The following RABGEF1 variants were observed in gnomAD, a reference collection of about 807,000 sequenced individuals.
RABGEF1 encodes the protein rab5 GDP/GTP exchange factor.
A neutral mutation model predicts 57.3 loss-of-function variants in RABGEF1; 26 were observed. The observed-to-expected ratio is 0.45, with a 90% CI of 0.33 to 0.63. The LOEUF (loss-of-function observed/expected upper bound fraction) is 0.63, where lower values mean the gene tolerates loss of function less well. RABGEF1 is among the 20% of genes least tolerant of loss of function. RABGEF1 has a pLI of 0.02. For synonymous variants in RABGEF1, 185 were observed against 210.7 expected, an observed-to-expected ratio of 0.88 and a Z score of 1.06; for missense variants, 464 against 607.6, an observed-to-expected ratio of 0.76 and a Z score of 2.48.
intron 1 of RABGEF1, among the ~76,000 whole-genome samples, chr7:66,708,484 C>T (rs867950836): frequency 1.3e-5 from 2 of 151,910 alleles, no homozygotes; most frequent in African/African-American, 2.4e-5. Context: ...GACGGGGTTT[C>T]ACCATGTTGG....
In RABGEF1 at chr7:66,792,706, A is replaced by T. The variant is rs185088344; in HGVS notation, c.514-2805A>T. ...TTTGCTCACAGATAGGTAGAAAGAG[A>T]TCTATGGAGAATTGTCTTCAGCATC... On this transcript the variant is annotated intron_variant, in intron 4 of 8. Coordinates refer to ENST00000284957, the MANE Select transcript of RABGEF1 (RefSeq NM_014504.3). Among the ~76,000 whole-genome samples the T allele has an allele frequency of 3.7e-4, 57 of 152,288 alleles. 1 individual carries two copies. The highest frequency in any genetic ancestry group is 1.3e-3 in the African/African-American group (56 of 41,564).
intron 1 of RABGEF1, among the ~76,000 whole-genome samples, chr7:66,702,197 C>A (rs1053282191): frequency 6.6e-6 from 1 of 152,162 alleles, no homozygotes; most frequent in Admixed American, 6.5e-5. Context: ...ATAATGTTTT[C>A]AAGGTTCATG....
Position 66,772,491 on chromosome 7 carries a change from G to A in RABGEF1, c.179+413G>A, listed in dbSNP as rs202015022. Reference sequence around the variant, plus strand: ...TATATTTAGCATGGCATCTAGCTCAGTGATAAAACACAGTAGTAGAAATCT... The same window carrying A: ...TATATTTAGCATGGCATCTAGCTCAATGATAAAACACAGTAGTAGAAATCT... On this transcript the variant is annotated intron_variant, in intron 2 of 8. Coordinates refer to ENST00000284957, the MANE Select transcript of RABGEF1 (RefSeq NM_014504.3). Among the ~76,000 whole-genome samples, 5 of 152,176 alleles carry A rather than the reference G, an allele frequency of 3.3e-5. No homozygotes were observed. In the East Asian group the frequency reaches 9.6e-4, roughly 29 times the overall value.
chr7:66,737,349 G>C (rs1052747216), upstream of RABGEF1, among the ~76,000 whole-genome samples: 1 of 151,868 alleles, frequency 6.6e-6, no homozygotes, highest in African/African-American at 2.4e-5. Flanking sequence ...TAATCTCCTG[G>C]CTCAAGTAGT....
At position 66,732,662 on chromosome 7, in the gene RABGEF1, G is replaced by C. The variant is rs147519253; in HGVS notation, c.-814-7334G>C. Among the ~76,000 whole-genome samples the C allele has an allele frequency of 6.6e-4, 101 of 152,076 alleles. 1 individual carries two copies. Among genetic ancestry groups the C allele is most frequent in the African/African-American group, 2.3e-3 (96 of 41,490 alleles). Reference sequence around the variant, plus strand: ...TCAGTTCCACTCCATCATGAAATTTGGTTCACAATTTTCCTGACAAGCTGC... The same window carrying C: ...TCAGTTCCACTCCATCATGAAATTTCGTTCACAATTTTCCTGACAAGCTGC... On this transcript the variant is annotated intron_variant and NMD_transcript_variant, in intron 2 of 9. Transcript: ENST00000607882.
intron 8 of RABGEF1, among the ~76,000 whole-genome samples, chr7:66,806,185 G>T (rs1406410912): frequency 6.6e-6 from 1 of 152,174 alleles, no homozygotes; most frequent in Non-Finnish European, 1.5e-5. Flanking sequence ...AAGAGGTGGG[G>T]AGGGGAAGCC....
At chr7:66,689,042 G>A (rs921584031) in intron 1 of RABGEF1, among the ~76,000 whole-genome samples, 5 of 152,086 alleles carry the variant, frequency 3.3e-5, no homozygotes, top group African/African-American at 1.2e-4. Context: ...GCAGTGAGCC[G>A]AGATTGCACC....
chr7:66,672,247 C>A, the RABGEF1 span, among the ~76,000 whole-genome samples: 15 of 150,816 alleles, frequency 9.9e-5, no homozygotes, highest in African/African-American at 3.4e-4. Context: ...GTGGTGAAAC[C>A]CCATCTCTAC....
At chr7:66,685,153 CTT>C (rs545055892) in intron 1 of RABGEF1, among the ~76,000 whole-genome samples, 1,168 of 101,000 alleles carry the variant, frequency 0.012, 10 homozygotes, top group African/African-American at 0.039. Context: ...GGATTATTTG[CTT>C]TTTTTTTTTT....
chr7:66,776,803 T>G (rs759701927), intron 3 of RABGEF1, among the ~76,000 whole-genome samples: 5 of 152,174 alleles, frequency 3.3e-5, no homozygotes, highest in Non-Finnish European at 5.9e-5. Flanking sequence ...GGGGGAAAAA[T>G]TAGTACCTGC....
chr7:66,778,386 G>C (rs186388644), intron 3 of RABGEF1, among the ~76,000 whole-genome samples: 1 of 152,226 alleles, frequency 6.6e-6, no homozygotes, highest in African/African-American at 2.4e-5. Flanking sequence ...TGTCTTGACT[G>C]TAAAGACTCA....
intron 1 of RABGEF1, among the ~76,000 whole-genome samples, chr7:66,762,213 G>C (rs1804590290): frequency 6.6e-6 from 1 of 152,140 alleles, no homozygotes; most frequent in South Asian, 2.1e-4. Context: ...GGAAAATAAG[G>C]TCTCTGTCCT....
At chr7:66,664,909 GCCTGGTGA>G in the RABGEF1 span, among the ~76,000 whole-genome samples, 1 of 152,244 alleles carries the variant, frequency 6.6e-6, no homozygotes, top group Non-Finnish European at 1.5e-5. Flanking sequence ...TCCAGACCCT[GCCTGGTGA>G]CTCTTGGGGG....
intron 2 of RABGEF1, among the ~76,000 whole-genome samples, chr7:66,716,445 C>T (rs138331062): frequency 4.7e-4 from 72 of 152,070 alleles, no homozygotes; most frequent in African/African-American, 1.6e-3. Context: ...ACCAAAAATG[C>T]AAAAAATTAG....
At chr7:66,725,377 C>T (rs1796475432) in intron 2 of RABGEF1, among the ~76,000 whole-genome samples, 1 of 152,188 alleles carries the variant, frequency 6.6e-6, no homozygotes. Flanking sequence ...TCTGCCCCAC[C>T]CTCAGCCCTA....
rs1467934284 is a variant in RABGEF1 at position 66,800,891 on chromosome 7, G to A, written c.820+1477G>A. ...GTGAAAGTAGAGGTGGGTGGCCCAA[G>A]GGATCAGGAAAGCATAGCTGTGTTC... On this transcript the variant is annotated intron_variant, in intron 7 of 8. Transcript: ENST00000284957. Among the ~76,000 whole-genome samples the A allele has an allele frequency of 2.6e-5, 4 of 152,232 alleles. 1 individual carries two copies. The highest frequency in any genetic ancestry group is 9.6e-5 in the African/African-American group (4 of 41,464).
intron 1 of RABGEF1, chr7:66,756,028 A>G: frequency 1.3e-6 from 2 of 1,483,454 alleles, no homozygotes; most frequent in South Asian, 1.4e-5. Flanking sequence ...TACAGATTGC[A>G]AATGCTAATA....
intron 1 of RABGEF1, chr7:66,755,906 C>T (rs1344362878): frequency 6.0e-5 from 33 of 551,122 alleles, no homozygotes; most frequent in Non-Finnish European, 8.6e-5. Context: ...TCCAAGCTAA[C>T]GTTTGGACAA....
At chr7:66,751,799 G>T (rs1801487254) in intron 1 of RABGEF1, among the ~76,000 whole-genome samples, 1 of 152,164 alleles carries the variant, frequency 6.6e-6, no homozygotes, top group Admixed American at 6.5e-5. Context: ...TTGTTTTGAA[G>T]CCTTCCCTGT....
Sources: allele counts gnomAD v4.1 joint callset (sites outside exome capture counted in the v4.1 genomes callset), GRCh38; gene constraint gnomAD v4.1.1; transcripts MANE v1.5; gene names NCBI Gene and HGNC (gene_info 2026-07-23, HGNC 2026-07-21).